RBFOX1: variants seen among roughly 807,000 people sequenced by gnomAD.
The protein encoded by RBFOX1 is RNA binding fox-1 homolog 1.
RBFOX1 carries 8 observed loss-of-function variants against 57.7 expected under a neutral mutation model. The observed-to-expected ratio is 0.14, with a 90% CI of 0.08 to 0.25. The LOEUF is 0.25. Ranked by LOEUF, RBFOX1 falls within the 10% of genes least tolerant of loss-of-function variation. RBFOX1 has a pLI of 1.00. For missense variants in RBFOX1, 611 were observed against 548.5 expected (o/e 1.11, Z -1.14); for synonymous variants, 326 against 222.4 (o/e 1.47, Z -4.15).
At chr16:7,710,114 A>T in intron 15 of RBFOX1, 2 of 1,006,566 alleles carry the variant, frequency 2.0e-6, no homozygotes, top group Non-Finnish European at 2.4e-6. Context: ...TACATCAAGC[A>T]ATTCATCTGT....
intron 3 of RBFOX1, chr16:6,703,753 A>T (rs1219673713): frequency 6.6e-6 from 1 of 152,328 alleles, no homozygotes; most frequent in Non-Finnish European, 1.5e-5. Flanking sequence ...TGAGAGTTCA[A>T]GGACAAGACC....
chr16:5,499,450 C>T (rs1447858951), intron 2 of RBFOX1, among the ~76,000 whole-genome samples: 2 of 152,218 alleles, frequency 1.3e-5, no homozygotes, highest in Non-Finnish European at 2.9e-5. Context: ...TTCACCCGTC[C>T]TTTCAGCCCC....
intron 2 of RBFOX1, among the ~76,000 whole-genome samples, chr16:6,596,114 TA>T (rs2097774430): frequency 2.6e-5 from 4 of 152,248 alleles, no homozygotes; most frequent in African/African-American, 7.2e-5. Flanking sequence ...GCAGCACAAT[TA>T]AAAAATGGAT....
chr16:5,713,097 C>A (rs2051555492), intron 3 of RBFOX1, among the ~76,000 whole-genome samples: 1 of 152,206 alleles, frequency 6.6e-6, no homozygotes, highest in African/African-American at 2.4e-5. Flanking sequence ...TTTAAGCAAG[C>A]ATCCAAAACT....
At chr16:7,183,308 C>T (rs1011089413) in intron 4 of RBFOX1, among the ~76,000 whole-genome samples, 2 of 152,074 alleles carry the variant, frequency 1.3e-5, no homozygotes, top group Non-Finnish European at 1.5e-5. Flanking sequence ...TGTCAATTTA[C>T]AGAGGGTAGT....
intron 4 of RBFOX1, among the ~76,000 whole-genome samples, chr16:5,977,092 T>G (rs888060838): frequency 6.6e-6 from 1 of 152,136 alleles, no homozygotes; most frequent in Non-Finnish European, 1.5e-5. Context: ...ATCTGCATGG[T>G]GGCAAGTCTT....
At chr16:6,116,962 T>G (rs2096502819) in intron 1 of RBFOX1, among the ~76,000 whole-genome samples, 1 of 152,174 alleles carries the variant, frequency 6.6e-6, no homozygotes, top group Non-Finnish European at 1.5e-5. Flanking sequence ...ATAATCTCCG[T>G]TGGCAGATAC....
At chr16:5,465,562 A>G (rs986734379) in intron 1 of RBFOX1, among the ~76,000 whole-genome samples, 2 of 152,130 alleles carry the variant, frequency 1.3e-5, no homozygotes, top group East Asian at 3.9e-4. Context: ...CCTGTTTTCA[A>G]ATTGTGACTG....
chr16:5,703,210 T>A (rs2051115510), intron 3 of RBFOX1, among the ~76,000 whole-genome samples: 1 of 152,174 alleles, frequency 6.6e-6, no homozygotes, highest in South Asian at 2.1e-4. Context: ...TACTTTGAGG[T>A]ATTACAGGAC....
intron 3 of RBFOX1, among the ~76,000 whole-genome samples, chr16:6,951,908 G>A (rs1252175598): frequency 6.6e-6 from 1 of 152,078 alleles, no homozygotes; most frequent in Admixed American, 6.6e-5. Context: ...GCTAATTTTT[G>A]TATATTTAGT....
chr16:6,112,360 T>C (rs1182027870), intron 1 of RBFOX1, among the ~76,000 whole-genome samples: 1 of 152,154 alleles, frequency 6.6e-6, no homozygotes, highest in Non-Finnish European at 1.5e-5. Flanking sequence ...TACCTTGACA[T>C]GTTGAGTAGT....
At chr16:6,414,060 G>A (rs2152976404) in intron 2 of RBFOX1, among the ~76,000 whole-genome samples, 1 of 152,296 alleles carries the variant, frequency 6.6e-6, no homozygotes, top group African/African-American at 2.4e-5. Context: ...AGACCTCAGA[G>A]AGTGCCAAGA....
At chr16:5,608,939 A>C (rs1219197107) in intron 3 of RBFOX1, among the ~76,000 whole-genome samples, 1 of 152,194 alleles carries the variant, frequency 6.6e-6, no homozygotes, top group Non-Finnish European at 1.5e-5. Flanking sequence ...CCCTTTACAG[A>C]AATGGTCAGA....
At chr16:5,704,387 C>T (rs572682331) in intron 3 of RBFOX1, among the ~76,000 whole-genome samples, 1 of 152,142 alleles carries the variant, frequency 6.6e-6, no homozygotes, top group East Asian at 1.9e-4. Flanking sequence ...CCCTGGGGGT[C>T]TGGGGGTCGC....
At chr16:6,187,202 C>A (rs1332605442) in intron 1 of RBFOX1, among the ~76,000 whole-genome samples, 1 of 152,046 alleles carries the variant, frequency 6.6e-6, no homozygotes, top group Non-Finnish European at 1.5e-5. Flanking sequence ...AACAGGAACC[C>A]TTTGGATGAC....
At chr16:7,375,927 G>A (rs1396585149) in intron 4 of RBFOX1, among the ~76,000 whole-genome samples, 4 of 152,186 alleles carry the variant, frequency 2.6e-5, no homozygotes, top group South Asian at 2.1e-4. Flanking sequence ...TGCCTTAAAT[G>A]CGAAGTAAAG....
intron 3 of RBFOX1, among the ~76,000 whole-genome samples, chr16:6,737,739 T>C (rs946631674): frequency 2.6e-5 from 4 of 152,312 alleles, no homozygotes; most frequent in East Asian, 1.9e-4. Flanking sequence ...ACAAATGATA[T>C]ATGGGATTTA....
intron 3 of RBFOX1, among the ~76,000 whole-genome samples, chr16:6,924,416 A>C (rs1449384587): frequency 6.6e-6 from 1 of 151,866 alleles, no homozygotes; most frequent in South Asian, 2.1e-4. Flanking sequence ...ATCTCGTGTG[A>C]ACTAACAGAG....
intron 3 of RBFOX1, among the ~76,000 whole-genome samples, chr16:6,733,439 A>C (rs1489096431): frequency 2.6e-5 from 4 of 152,236 alleles, no homozygotes; most frequent in Admixed American, 2.6e-4. Context: ...AGCCTTCCTG[A>C]AAATTAAATT....
Sources: allele counts gnomAD v4.1 joint callset (sites outside exome capture counted in the v4.1 genomes callset), GRCh38; gene constraint gnomAD v4.1.1; transcripts MANE v1.5; gene names NCBI Gene and HGNC (gene_info 2026-07-23, HGNC 2026-07-21).